CDH12: variants seen among roughly 807,000 people sequenced by gnomAD.
The protein encoded by CDH12 is cadherin-12.
Under a neutral mutation model 74.1 loss-of-function variants are expected in CDH12, and 41 were observed. The observed-to-expected ratio is 0.55, with a 90% CI of 0.43 to 0.72. The LOEUF is 0.72. CDH12 is among the 30% of genes least tolerant of loss of function. The pLI is 0.00. For missense variants in CDH12, 945 were observed against 977.2 expected, an observed-to-expected ratio of 0.97 and a Z score of 0.44; for synonymous variants, 399 against 355.0, an observed-to-expected ratio of 1.12 and a Z score of -1.39.
intron 3 of CDH12, among the ~76,000 whole-genome samples, chr5:22,227,626 C>A (rs1752240241): frequency 1.3e-5 from 2 of 152,102 alleles, no homozygotes; most frequent in East Asian, 3.9e-4. Flanking sequence ...GTGCAACAGA[C>A]CTTCTCTACA....
At chr5:22,815,226 T>C (rs981028458) in intron 1 of CDH12, among the ~76,000 whole-genome samples, 1 of 152,128 alleles carries the variant, frequency 6.6e-6, no homozygotes, top group South Asian at 2.1e-4. Context: ...AAAAATGTAA[T>C]GCATATGGTT....
intron 1 of CDH12, among the ~76,000 whole-genome samples, chr5:22,830,838 T>C (rs1032663834): frequency 7.2e-5 from 11 of 151,830 alleles, no homozygotes; most frequent in African/African-American, 2.6e-4. Flanking sequence ...GTATGTGCAC[T>C]ATAATTTTCT....
At chr5:22,544,914 T>C (rs1580751039) in intron 1 of CDH12, among the ~76,000 whole-genome samples, 1 of 151,902 alleles carries the variant, frequency 6.6e-6, no homozygotes, top group Non-Finnish European at 1.5e-5. Flanking sequence ...AGGCTACAGG[T>C]GACGTTCTTT....
chr5:21,806,665 C>T (rs773505000), intron 9 of CDH12, among the ~76,000 whole-genome samples: 1 of 152,174 alleles, frequency 6.6e-6, no homozygotes, highest in Non-Finnish European at 1.5e-5. Context: ...CAATCTCCCT[C>T]ATGTCAGTAA....
chr5:22,488,560 G>A (rs527894046), intron 2 of CDH12, among the ~76,000 whole-genome samples: 8 of 152,296 alleles, frequency 5.3e-5, no homozygotes, highest in Non-Finnish European at 8.8e-5. Flanking sequence ...CCCTGGGAAT[G>A]TGCCTTTCAC....
chr5:22,412,155 T>C (rs1244603713), intron 2 of CDH12, among the ~76,000 whole-genome samples: 1 of 151,992 alleles, frequency 6.6e-6, no homozygotes, highest in Non-Finnish European at 1.5e-5. Context: ...ACTGTCTTCC[T>C]GCCTTTATAA....
chr5:22,280,586 T>C (rs1413733802), intron 3 of CDH12, among the ~76,000 whole-genome samples: 1 of 152,190 alleles, frequency 6.6e-6, no homozygotes, highest in Non-Finnish European at 1.5e-5. Flanking sequence ...CAGGGAATAC[T>C]ATAAACACCT....
intron 6 of CDH12, among the ~76,000 whole-genome samples, chr5:21,907,497 C>G (rs1753691608): frequency 1.3e-5 from 2 of 152,174 alleles, no homozygotes. Context: ...TGTATCATGC[C>G]ATGGAAGCCC....
At chr5:22,850,324 A>G (rs1427549993) in intron 1 of CDH12, among the ~76,000 whole-genome samples, 1 of 152,112 alleles carries the variant, frequency 6.6e-6, no homozygotes, top group African/African-American at 2.4e-5. Context: ...ATAGTAAGTC[A>G]GGAAAAAGCT....
Position 22,272,418 on chromosome 5 carries a change from T to C in CDH12, c.-332-59775A>G, listed in dbSNP as rs1580468105. ...TTCCTCCCTATCAGCAGTAAAGCTG[T>C]TTCACTTTATTTTCATTCATGTATT... On this transcript the variant is annotated intron_variant, in intron 3 of 14. Coordinates refer to ENST00000382254, the MANE Select transcript of CDH12 (RefSeq NM_004061.5). 3.3e-5 allele frequency among the ~76,000 whole-genome samples: 5 copies of C among 152,204 alleles called. No homozygotes were observed. The South Asian group carries it at 1.0e-3, about 31-fold the overall frequency.
intron 9 of CDH12, among the ~76,000 whole-genome samples, chr5:21,803,602 G>A (rs1315565888): frequency 6.6e-6 from 1 of 152,132 alleles, no homozygotes; most frequent in South Asian, 2.1e-4. Flanking sequence ...ATATGGTGCT[G>A]CTGTGGTGCT....
At chr5:22,831,273 T>C (rs937679170) in intron 1 of CDH12, among the ~76,000 whole-genome samples, 6 of 151,796 alleles carry the variant, frequency 4.0e-5, no homozygotes, top group Non-Finnish European at 8.8e-5. Flanking sequence ...CAAATATAAA[T>C]GTGAATTAGT....
chr5:21,794,323 G>C (rs1307728471), intron 10 of CDH12, among the ~76,000 whole-genome samples: 1 of 150,616 alleles, frequency 6.6e-6, no homozygotes, highest in African/African-American at 2.4e-5. Flanking sequence ...CAGTTTCTTT[G>C]CTTCTATAAA....
chr5:22,357,113 C>A (rs1464686339), intron 3 of CDH12, among the ~76,000 whole-genome samples: 1 of 151,804 alleles, frequency 6.6e-6, no homozygotes, highest in Non-Finnish European at 1.5e-5. Flanking sequence ...TATTTTTCTG[C>A]CACTAAAAAG....
intron 4 of CDH12, among the ~76,000 whole-genome samples, chr5:22,170,430 C>T (rs1479121155): frequency 6.6e-6 from 1 of 151,678 alleles, no homozygotes; most frequent in Non-Finnish European, 1.5e-5. Context: ...AGGCTAACAA[C>T]AATCCTAAAT....
At chr5:21,890,673 A>G (rs2150043669) in intron 6 of CDH12, among the ~76,000 whole-genome samples, 1 of 152,248 alleles carries the variant, frequency 6.6e-6, no homozygotes, top group African/African-American at 2.4e-5. Context: ...TTAGAGACAG[A>G]GTGATTCTAC....
chr5:22,472,024 C>T (rs1745979303), intron 2 of CDH12, among the ~76,000 whole-genome samples: 1 of 152,016 alleles, frequency 6.6e-6, no homozygotes, highest in Admixed American at 6.6e-5. Context: ...AGAGGAGACA[C>T]CCAGGGTAAG....
At chr5:21,949,249 G>C (rs1440939661) in intron 6 of CDH12, among the ~76,000 whole-genome samples, 1 of 151,978 alleles carries the variant, frequency 6.6e-6, no homozygotes, top group East Asian at 1.9e-4. Context: ...AGGAGATCGA[G>C]ACCATCCTGG....
In CDH12 at chr5:21,760,077, A is replaced by C. The variant is rs570008088; in HGVS notation, c.1633+481T>G. Among the ~76,000 whole-genome samples, 3 of 152,118 alleles carry C rather than the reference A, an allele frequency of 2.0e-5. No individual in the cohort carries two copies. In the South Asian group the frequency reaches 6.2e-4, roughly 31 times the overall value. ...TATATATATGTACCACATTTTCTTC[A>C]TCCAGTCTGTCACTGATGGGCATTT... On this transcript the variant is annotated intron_variant, in intron 13 of 14. Coordinates refer to ENST00000382254, the MANE Select transcript of CDH12 (RefSeq NM_004061.5).
Sources: gnomAD v4.1 joint callset for allele counts (sites outside exome capture counted in the v4.1 genomes callset) on GRCh38, gnomAD v4.1.1 for gene constraint, MANE v1.5 for transcripts, NCBI Gene and HGNC (gene_info 2026-07-23, HGNC 2026-07-21) for gene names.